SCYL1: variants seen among roughly 807,000 people sequenced by gnomAD.
The protein encoded by SCYL1 is SCY1 like pseudokinase 1, also known as N-terminal kinase-like protein.
Under a neutral mutation model 94.8 loss-of-function variants are expected in SCYL1, and 85 were observed. That is an observed-to-expected ratio of 0.90 (90% confidence interval 0.75 to 1.07). SCYL1 has a LOEUF of 1.07. Ranked by LOEUF, SCYL1 falls within the 50% of genes least tolerant of loss-of-function variation. The probability of loss-of-function intolerance (pLI) is 0.00; values close to 1 mark genes in which losing one functional copy is unlikely to be tolerated. For missense variants in SCYL1, 968 were observed against 1,083.3 expected (o/e 0.89, Z 1.49); for synonymous variants, 459 against 435.5 (o/e 1.05, Z -0.67).
At chr11:65,535,123 G>A (rs1281281905) in intron 9 of SCYL1, 104 bp from the exon 10 acceptor site, 2 of 1,465,128 alleles carry the variant, frequency 1.4e-6, no homozygotes, top group Admixed American at 3.8e-5. Context: ...GGCCTTGCAG[G>A]CTTTGATGGG....
At chr11:65,537,489 AG>A (rs1855735233) in intron 14 of SCYL1, among the ~76,000 whole-genome samples, 1 of 151,314 alleles carries the variant, frequency 6.6e-6, no homozygotes, top group Admixed American at 6.6e-5. Context: ...GGATGGGCTC[AG>A]GTTGGGCTGA....
At chr11:65,525,449 C>T in intron 1 of SCYL1, 125 bp from the exon 2 acceptor site, 1 of 1,254,818 alleles carries the variant, frequency 8.0e-7, no homozygotes, top group Non-Finnish European at 1.1e-6. Context: ...CGGACAGGGC[C>T]GGGGTCACGT....
At chr11:65,528,584 C>T (rs1855208946) in intron 6 of SCYL1, among the ~76,000 whole-genome samples, 1 of 152,018 alleles carries the variant, frequency 6.6e-6, no homozygotes, top group Non-Finnish European at 1.5e-5. Flanking sequence ...CATGGAGAAA[C>T]CCCGTCTCTA....
At chr11:65,528,322 T>G (rs1855193605) in intron 6 of SCYL1, among the ~76,000 whole-genome samples, 1 of 152,084 alleles carries the variant, frequency 6.6e-6, no homozygotes, top group South Asian at 2.1e-4. Flanking sequence ...ATGCCTGTAA[T>G]CCCGGCTACT....
intron 12 of SCYL1, 109 bp from the exon 13 acceptor site, chr11:65,536,477 G>C (rs1855648690): frequency 1.4e-6 from 2 of 1,442,146 alleles, no homozygotes; most frequent in Middle Eastern, 1.8e-4. Context: ...GGAGAAATCA[G>C]GCCTGGAGAA....
intron 6 of SCYL1, among the ~76,000 whole-genome samples, chr11:65,527,672 C>T (rs1002115439): frequency 4.3e-5 from 6 of 141,106 alleles, no homozygotes; most frequent in Non-Finnish European, 7.5e-5. Flanking sequence ...ACGGAGGTTG[C>T]AGTGAGCCGA....
chr11:65,531,457 C>T (rs370072950), intron 7 of SCYL1, 119 bp from the exon 8 acceptor site: 2 of 707,894 alleles, frequency 2.8e-6, no homozygotes, highest in South Asian at 1.6e-5. Flanking sequence ...GAAATGCCTG[C>T]CCCCCCCTCC....
chr11:65,526,923 C>G lies in SCYL1; in HGVS notation c.694-39C>G, dbSNP rs747003610. On this transcript the variant is annotated intron_variant, in intron 5 of 17. Transcript: ENST00000270176. This position sits in a 1 kb window ranked among gnomAD's most constrained non-coding sequence, Gnocchi z 4.1. ...TGCCCTGCCTCAGCCCCTCTGCCAG[C>G]TGGCTACCCCTGCCCTGACACTGAC... 19 of 1,610,068 alleles carry G rather than the reference C, an allele frequency of 1.2e-5. No individual in the cohort carries two copies. Among genetic ancestry groups the G allele is most frequent in the South Asian group, 3.3e-5 (3 of 90,988 alleles).
rs774871756 is a variant in SCYL1 at position 65,536,279 on chromosome 11, C to A, written c.1596C>A (p.Ser532Arg). 3.7e-6 allele frequency: 6 copies of A among 1,614,038 alleles called. No homozygotes were observed. The African/African-American group carries it at 6.7e-5, about 18-fold the overall frequency. ...VRDQAFKAIR[S>R]FLSKLESVSE... ...CACAGGCCTTCAAGGCCATTCGGAG[C>A]TTCCTGTCCAAATTGGAGTCTGTGT... is the stretch of plus-strand genomic sequence containing the variant. Residue 532 changes from serine to arginine, a missense_variant, in exon 12 of 18, where the codon AGC (serine) becomes AGA (arginine). Around this residue, in one of 2 missense-constraint regions of SCYL1, gnomAD observed 474 missense variants for 463.6 expected, o/e 1.02. Transcript: ENST00000270176.
Position 65,537,108 on chromosome 11 carries a change from G to A in SCYL1, c.1939G>A (p.Glu647Lys), listed in dbSNP as rs368944476. ...DSSTADRWDD[E>K]DWGSLEQEAE... is the part of the protein sequence containing the mutation. The stretch of plus-strand genomic sequence containing the variant: ...CAGCACTGCTGACAGATGGGACGAC[G>A]AAGACTGGGGCAGCCTGGAGGTGTG... The change falls in exon 14 of 18, where the codon GAA becomes AAA. Residue 647 changes from glutamate (E) to lysine (K), a missense_variant. Around this residue, in one of 2 missense-constraint regions of SCYL1, gnomAD observed 474 missense variants for 463.6 expected, o/e 1.02. Coordinates refer to ENST00000270176, the MANE Select transcript of SCYL1 (RefSeq NM_020680.4). 34 of 1,614,164 alleles carry A rather than the reference G, an allele frequency of 2.1e-5. No individual in the cohort carries two copies. The African/African-American group carries it at 3.2e-4, about 15-fold the overall frequency.
At position 65,537,097 on chromosome 11, in the gene SCYL1, G is replaced by A. The variant is rs543864282; in HGVS notation, c.1928G>A (p.Arg643Lys). ...DTAEDSSTAD[R>K]WDDEDWGSLE... The stretch of plus-strand genomic sequence containing the variant: ...GCAGAGGACAGCAGCACTGCTGACA[G>A]ATGGGACGACGAAGACTGGGGCAGC... The change falls in exon 14 of 18, where the codon AGA (arginine) becomes AAA (lysine). Residue 643 changes from arginine (R) to lysine (K), a missense_variant. Arg to Lys is a conservative substitution (Grantham distance 26). Coordinates refer to ENST00000270176, the MANE Select transcript of SCYL1 (RefSeq NM_020680.4). 4 of 1,614,222 alleles carry A rather than the reference G, an allele frequency of 2.5e-6. No homozygotes were observed. Among genetic ancestry groups the A allele is most frequent in the African/African-American group, 1.3e-5 (1 of 75,050 alleles).
chr11:65,526,243 G>C lies in SCYL1; in HGVS notation c.495G>C (p.Ser165=). The C allele has an allele frequency of 1.2e-6, 2 of 1,613,262 alleles. No individual in the cohort carries two copies. The change falls in exon 4 of 18, where the codon TCG becomes TCC. Residue 165 remains serine, a synonymous_variant. Coordinates refer to ENST00000270176, the MANE Select transcript of SCYL1 (RefSeq NM_020680.4). This position sits in a 1 kb window ranked among gnomAD's most constrained non-coding sequence, Gnocchi z 4.1. ...TTGGGGGCCTGGACTACATGTATTCGGCCCAGGGCAACGGTGGGGGACCTC... is the reference window on the plus strand; with the variant it reads ...TTGGGGGCCTGGACTACATGTATTCCGCCCAGGGCAACGGTGGGGGACCTC... ...WKLGGLDYMY[S]AQGNGGGPPR...
intron 10 of SCYL1, 151 bp from the exon 11 acceptor site, chr11:65,535,802 T>G (rs558475810): frequency 2.6e-6 from 2 of 770,210 alleles, no homozygotes; most frequent in East Asian, 5.5e-5. Context: ...GTCCAGAGTT[T>G]TAGGTCAACT....
At position 65,532,817 on chromosome 11, in the gene SCYL1, C is replaced by T; in HGVS notation, c.1230+12C>T. 1 of 1,606,342 alleles carries T rather than the reference C, an allele frequency of 6.2e-7. No individual in the cohort carries two copies. Among genetic ancestry groups the T allele is most frequent in the Non-Finnish European group, 8.5e-7 (1 of 1,172,984 alleles). On this transcript the variant is annotated intron_variant, in intron 9 of 17. Transcript: ENST00000270176. Reference sequence around the variant, plus strand: ...AGCAGACGGTCAAGGTGGGTGTGGCCAGGCCCAGAGTGGCTACCCCTGGTT... The same window carrying T: ...AGCAGACGGTCAAGGTGGGTGTGGCTAGGCCCAGAGTGGCTACCCCTGGTT...
Position 65,535,872 on chromosome 11 carries a change from A to G in SCYL1, c.1387-81A>G. On this transcript the variant is annotated intron_variant, in intron 10 of 17. Coordinates refer to ENST00000270176, the MANE Select transcript of SCYL1 (RefSeq NM_020680.4). ...ATTCTGGGGACCTATGGGTGGTCCC[A>G]TTCTGGGAAGTAAGGGCTGGTGGTT... The G allele has an allele frequency of 3.6e-6, 5 of 1,386,132 alleles. No individual in the cohort carries two copies. The East Asian group carries it at 9.3e-5, about 26-fold the overall frequency. The allele number at this position is 1,386,132 out of a possible 1,614,324, so 85.9% of individuals were successfully genotyped here. A position where few individuals can be genotyped will look rare whatever the true frequency, so the allele number is the denominator to read the frequency against.
rs769677448 is a variant in SCYL1 at position 65,525,909 on chromosome 11, C to T, written c.253-12C>T. The T allele has an allele frequency of 6.2e-7, 1 of 1,612,062 alleles. No individual in the cohort carries two copies. The highest frequency in any genetic ancestry group is 8.5e-7 in the Non-Finnish European group (1 of 1,179,092). The stretch of plus-strand genomic sequence containing the variant: ...CCCTCCGCCCTTGATAACCCTGTGT[C>T]CCCTTCCCCAGACAGAAAAATGCCT... On this transcript the variant is annotated splice_polypyrimidine_tract_variant and intron_variant, in intron 2 of 17. Coordinates refer to ENST00000270176, the MANE Select transcript of SCYL1 (RefSeq NM_020680.4).
chr11:65,531,457 C>G (rs370072950), intron 7 of SCYL1, 119 bp from the exon 8 acceptor site: 51 of 708,010 alleles, frequency 7.2e-5, no homozygotes, highest in African/African-American at 6.8e-4. Flanking sequence ...GAAATGCCTG[C>G]CCCCCCCTCC....
chr11:65,526,062 G>T lies in SCYL1; in HGVS notation c.375+19G>T. Reference sequence around the variant, plus strand: ...GATCGTGGTGAGGTGGGGGGCAGTGGTGATGAGAGCAGGGATGGGGGGTTG... The same window carrying T: ...GATCGTGGTGAGGTGGGGGGCAGTGTTGATGAGAGCAGGGATGGGGGGTTG... On this transcript the variant is annotated intron_variant, in intron 3 of 17. Transcript: ENST00000270176. This position sits in a 1 kb window ranked among gnomAD's most constrained non-coding sequence, Gnocchi z 4.1. The T allele has an allele frequency of 1.2e-6, 2 of 1,612,540 alleles. No homozygotes were observed. The highest frequency in any genetic ancestry group is 1.7e-6 in the Non-Finnish European group (2 of 1,179,642).
chr11:65,531,739 T>A, intron 8 of SCYL1, 56 bp downstream of exon 8: 1 of 1,363,780 alleles, frequency 7.3e-7, no homozygotes, highest in Non-Finnish European at 1.0e-6. Context: ...ACCTGGTGGC[T>A]GGGGAGGCAC....
Sources: gnomAD v4.1 joint callset for allele counts (sites outside exome capture counted in the v4.1 genomes callset) on GRCh38, gnomAD v4.1.1 for gene constraint, gnomAD v4.1.1 regional missense constraint, Gnocchi (gnomAD v3.1) non-coding constraint, MANE v1.5 for transcripts, NCBI Gene and HGNC (gene_info 2026-07-23, HGNC 2026-07-21) for gene names.